Variants in OTOGL observed in about 807,000 individuals in gnomAD.
OTOGL encodes otogelin-like protein.
In OTOGL, 285 loss-of-function variants were observed where a neutral mutation model predicts 318.5. That is an observed-to-expected ratio of 0.89 (90% confidence interval 0.81 to 0.99). OTOGL has a LOEUF of 0.99. OTOGL is among the 50% of genes least tolerant of loss of function. OTOGL has a pLI of 0.00. For synonymous variants in OTOGL, 987 were observed against 936.5 expected (o/e 1.05, Z -0.99); for missense variants, 2,899 against 2,845.6 (o/e 1.02, Z -0.43).
rs764032652 is a variant in OTOGL, at chr12:80,368,309, G to A, written c.6615G>A (p.Ala2205=). The change falls in exon 55 of 59, where the codon GCG becomes GCA. Residue 2205 remains alanine, a splice_region_variant and synonymous_variant. Coordinates refer to ENST00000547103, the MANE Select transcript of OTOGL (RefSeq NM_001378609.3). ...AAAATGGAACATCAGTTGTATACGC[G>A]GTATGTTTCATGGAGAGTAATGCTC... ...HMENGTSVVY[A]VGSTWHYNCT... The A allele has an allele frequency of 1.0e-5, 16 of 1,572,812 alleles. No homozygotes were observed. The highest frequency in any genetic ancestry group is 3.6e-5 in the Admixed American group (2 of 55,966).
At chr12:80,359,126 T>C (rs1443367654) in intron 52 of OTOGL, among the ~76,000 whole-genome samples, 1 of 152,160 alleles carries the variant, frequency 6.6e-6, no homozygotes, top group Non-Finnish European at 1.5e-5. Context: ...GCTGATAGAA[T>C]CTGCTAATCT....
Position 80,266,522 on chromosome 12 carries a change from T to G in OTOGL, c.2296T>G (p.Ser766Ala), listed in dbSNP as rs1565941755. Residue 766 changes from serine to alanine, a missense_variant, in exon 21 of 59, where the codon TCT becomes GCT. By Grantham distance (99) the Ser-to-Ala change is moderately conservative. This residue lies in a region of OTOGL where 2,607 missense variants were observed against 2,524.9 expected (regional missense o/e 1.03). Transcript: ENST00000547103. ...SFCLHSCISL[S>A]SPEQCSDDCA... ...CTGCCTCCATTCCTGCATTTCTCTC[T>G]CTTCCCCGGAGCAGTGCAGTGATGA... is the stretch of plus-strand genomic sequence containing the variant. The G allele has an allele frequency of 6.2e-7, 1 of 1,613,466 alleles. No individual in the cohort carries two copies. The highest frequency in any genetic ancestry group is 8.5e-7 in the Non-Finnish European group (1 of 1,179,600).
At chr12:80,258,189 C>T (rs1454409194) in intron 18 of OTOGL, among the ~76,000 whole-genome samples, 187 bp downstream of exon 18, 2 of 152,040 alleles carry the variant, frequency 1.3e-5, no homozygotes. Flanking sequence ...GATAAGGAAA[C>T]TAATCAAGTC....
intron 44 of OTOGL, among the ~76,000 whole-genome samples, chr12:80,347,494 G>A (rs1281425742): frequency 6.6e-6 from 1 of 152,120 alleles, no homozygotes; most frequent in African/African-American, 2.4e-5. Flanking sequence ...TGGCTGCATA[G>A]TATTCCATGG....
intron 5 of OTOGL, among the ~76,000 whole-genome samples, chr12:80,219,538 G>C (rs771493022): frequency 4.4e-4 from 67 of 152,118 alleles, no homozygotes; most frequent in Non-Finnish European, 4.7e-4. Context: ...TCCTTACATG[G>C]GAACTTGACC....
At chr12:80,356,043 A>G (rs1889879025) in intron 47 of OTOGL, 95 bp downstream of exon 47, 1 of 1,319,274 alleles carries the variant, frequency 7.6e-7, no homozygotes, top group South Asian at 1.4e-5. Context: ...TTGTATTTTT[A>G]AAAAAGGGCC....
Position 80,355,911 on chromosome 12 carries a change from C to T in OTOGL, c.5769C>T (p.Ile1923=). Residue 1923 remains isoleucine (I), a synonymous_variant, in exon 47 of 59, where the codon ATC becomes ATT. Transcript: ENST00000547103. Reference sequence around the variant, plus strand: ...GAGAAGCTGAAGTTGTCATGGGCATCATTGATAAATGGACCTGCTGTTCAA... The same window carrying T: ...GAGAAGCTGAAGTTGTCATGGGCATTATTGATAAATGGACCTGCTGTTCAA... ...CEREAEVVMG[I]IDKWTCCSKE... 1 of 1,613,880 alleles carries T rather than the reference C, an allele frequency of 6.2e-7. No individual in the cohort carries two copies. The highest frequency in any genetic ancestry group is 8.5e-7 in the Non-Finnish European group (1 of 1,179,814).
Position 80,209,508 on chromosome 12 carries a change from A to G in OTOGL, c.77A>G (p.Gln26Arg). The change falls in exon 2 of 59, where the codon CAA becomes CGA. Residue 26 changes from glutamine to arginine, a missense_variant and splice_region_variant. By Grantham distance (43) the Gln-to-Arg change is conservative (BLOSUM62 1). Coordinates refer to ENST00000547103, the MANE Select transcript of OTOGL (RefSeq NM_001378609.3). ...FLLHVLLFSL[Q>R]EYICASSILM... ...CTTCATGTACTGCTGTTTTCATTAC[A>G]AGGTAAGAACTCAGATTAAATTTTT... is the stretch of plus-strand genomic sequence containing the variant. The G allele has an allele frequency of 2.7e-6, 4 of 1,469,998 alleles. No homozygotes were observed. Among genetic ancestry groups the G allele is most frequent in the Non-Finnish European group, 3.7e-6 (4 of 1,091,182 alleles). 91.1% of individuals were successfully genotyped at this position (1,469,998 alleles called of 1,614,324 possible). A position where few individuals can be genotyped will look rare whatever the true frequency, so the allele number is the denominator to read the frequency against.
intron 1 of OTOGL, among the ~76,000 whole-genome samples, chr12:80,183,239 T>C (rs1345910183): frequency 1.3e-5 from 2 of 152,104 alleles, no homozygotes; most frequent in African/African-American, 2.4e-5. Context: ...CCTACTGAGG[T>C]AGTATGTTCT....
At chr12:80,351,980 T>A (rs1889579321) in intron 44 of OTOGL, among the ~76,000 whole-genome samples, 3 of 152,218 alleles carry the variant, frequency 2.0e-5, no homozygotes, top group African/African-American at 7.2e-5. Context: ...CAAACTCTTA[T>A]TCAGTATATG....
intron 26 of OTOGL, among the ~76,000 whole-genome samples, chr12:80,290,959 A>G (rs1423782550): frequency 2.6e-5 from 4 of 152,212 alleles, no homozygotes; most frequent in Non-Finnish European, 5.9e-5. Context: ...ATTTTGCAGA[A>G]TGCTGGGCAT....
At chr12:80,151,491 C>T (rs907780915) in intron 1 of OTOGL, among the ~76,000 whole-genome samples, 2 of 152,154 alleles carry the variant, frequency 1.3e-5, no homozygotes, top group Non-Finnish European at 2.9e-5. Context: ...AAAATGTAAG[C>T]TCTCTCTAAA....
At chr12:80,288,348 A>T (rs1447787307) in intron 26 of OTOGL, among the ~76,000 whole-genome samples, 1 of 151,876 alleles carries the variant, frequency 6.6e-6, no homozygotes, top group African/African-American at 2.4e-5. Context: ...TTTCATTTCA[A>T]CCTTGGAGAA....
intron 1 of OTOGL, among the ~76,000 whole-genome samples, chr12:80,176,507 T>C (rs1874537672): frequency 6.6e-6 from 1 of 152,180 alleles, no homozygotes; most frequent in Non-Finnish European, 1.5e-5. Context: ...ATATATACAG[T>C]GTGTTCTCTT....
intron 42 of OTOGL, among the ~76,000 whole-genome samples, chr12:80,337,379 G>A (rs1322542307): frequency 3.3e-5 from 5 of 151,992 alleles, no homozygotes; most frequent in East Asian, 1.9e-4. Context: ...CAAGAACACC[G>A]GAATAAAGAC....
intron 2 of OTOGL, 130 bp downstream of exon 2, chr12:80,209,640 T>C (rs1426382207): frequency 4.1e-6 from 2 of 491,636 alleles, no homozygotes; most frequent in Non-Finnish European, 6.8e-6. Context: ...GATACTCAGA[T>C]CACCTTTTAA....
At chr12:80,141,451 T>C (rs540312509) in intron 1 of OTOGL, among the ~76,000 whole-genome samples, 1 of 152,320 alleles carries the variant, frequency 6.6e-6, no homozygotes, top group African/African-American at 2.4e-5. Context: ...TGGTGCCTGG[T>C]GTCCAGGAGG....
Position 80,342,182 on chromosome 12 carries a change from A to G in OTOGL, c.5265+20A>G. 6.7e-7 allele frequency: 1 copy of G among 1,501,204 alleles called. No homozygotes were observed. Among genetic ancestry groups the G allele is most frequent in the Non-Finnish European group, 9.1e-7 (1 of 1,100,398 alleles). 93.0% of individuals were successfully genotyped at this position (1,501,204 alleles called of 1,614,324 possible). On this transcript the variant is annotated intron_variant, in intron 44 of 58. Transcript: ENST00000547103. Reference sequence around the variant, plus strand: ...GATAAAGTAAGTTGGAAGCAACCATAAATAATACTTTCATGTTAGATATGT... The same window carrying G: ...GATAAAGTAAGTTGGAAGCAACCATGAATAATACTTTCATGTTAGATATGT...
At chr12:80,177,802 A>G (rs1874626262) in intron 1 of OTOGL, among the ~76,000 whole-genome samples, 1 of 152,040 alleles carries the variant, frequency 6.6e-6, no homozygotes, top group Non-Finnish European at 1.5e-5. Flanking sequence ...CACATATTAT[A>G]TTTGTCCTTT....
Sources: allele counts gnomAD v4.1 joint callset (sites outside exome capture counted in the v4.1 genomes callset), GRCh38; gene constraint gnomAD v4.1.1; regional missense constraint gnomAD v4.1.1; transcripts MANE v1.5; gene names NCBI Gene and HGNC (gene_info 2026-07-23, HGNC 2026-07-21).